ATP6V1B1: variants seen among roughly 807,000 people sequenced by gnomAD.
ATP6V1B1 encodes the protein ATPase H+ transporting V1 subunit B1, also known as V-type proton ATPase subunit B, kidney isoform.
ATP6V1B1 carries 41 observed loss-of-function variants against 62.1 expected under a neutral mutation model. The observed-to-expected ratio is 0.66, with a 90% confidence interval of 0.51 to 0.86. ATP6V1B1 has a LOEUF of 0.86. ATP6V1B1 is among the 40% of genes least tolerant of loss of function. The probability of loss-of-function intolerance (pLI) is 0.00; values close to 1 mark genes in which losing one functional copy is unlikely to be tolerated. For missense variants in ATP6V1B1, 651 were observed against 697.5 expected, an observed-to-expected ratio of 0.93 and a Z score of 0.75; for synonymous variants, 253 against 273.4, an observed-to-expected ratio of 0.93 and a Z score of 0.74.
chr2:70,942,640 T>C (rs1290881612), intron 1 of ATP6V1B1, among the ~76,000 whole-genome samples: 1 of 152,202 alleles, frequency 6.6e-6, no homozygotes, highest in Non-Finnish European at 1.5e-5. Flanking sequence ...GCTACAGATG[T>C]GCTGTGTGGC....
At chr2:70,951,650 G>A (rs1680324604) in intron 2 of ATP6V1B1, among the ~76,000 whole-genome samples, 1 of 152,148 alleles carries the variant, frequency 6.6e-6, no homozygotes, top group African/African-American at 2.4e-5. Flanking sequence ...GCTCATGCCT[G>A]TAATCCCAGC....
chr2:70,943,838 C>A, intron 2 of ATP6V1B1, 125 bp downstream of exon 2: 1 of 1,371,020 alleles, frequency 7.3e-7, no homozygotes, highest in Non-Finnish European at 1.0e-6. Flanking sequence ...TCTGTTCTCT[C>A]CATCCAGGCA....
At chr2:70,950,151 C>G (rs1393591687) in intron 2 of ATP6V1B1, among the ~76,000 whole-genome samples, 1 of 152,050 alleles carries the variant, frequency 6.6e-6, no homozygotes, top group Non-Finnish European at 1.5e-5. Flanking sequence ...CCTATAAAAT[C>G]TGGGATCTCC....
chr2:70,964,112 GTATTTTTT>G lies in ATP6V1B1; in HGVS notation c.1144-324_1144-317del, dbSNP rs1317289678. The G allele has an allele frequency of 6.2e-3, 980 of 158,228 alleles. 12 individuals are homozygous for G. Among genetic ancestry groups the G allele is most frequent in the African/African-American group, 0.028 (518 of 18,482 alleles). The allele number at this position is 158,228 out of a possible 1,614,324, so 9.8% of individuals were successfully genotyped here. A position where few individuals can be genotyped will look rare whatever the true frequency, so the allele number is the denominator to read the frequency against. ...TGACGTTTTTCTCTTTGCTTGGCAG[GTATTTTTT>G]TTTTTTTTTTTTTTTTGCAGCTATT... On this transcript the variant is annotated intron_variant, in intron 11 of 13. Transcript: ENST00000234396.
At chr2:70,936,245 G>A (rs1371424845) in intron 1 of ATP6V1B1, among the ~76,000 whole-genome samples, 173 bp downstream of exon 1, 1 of 152,142 alleles carries the variant, frequency 6.6e-6, no homozygotes, top group East Asian at 1.9e-4. Context: ...TGGACCAGAG[G>A]CCACCTCTGC....
chr2:70,943,167 T>C (rs1266854867), intron 1 of ATP6V1B1, among the ~76,000 whole-genome samples: 1 of 143,292 alleles, frequency 7.0e-6, no homozygotes, highest in East Asian at 2.1e-4. Context: ...CACTGACGTC[T>C]GCACCCCCTA....
At chr2:70,957,289 G>A (rs998425290) in intron 2 of ATP6V1B1, among the ~76,000 whole-genome samples, 14 of 150,620 alleles carry the variant, frequency 9.3e-5, no homozygotes, top group African/African-American at 1.7e-4. Flanking sequence ...CAGTAGAAAC[G>A]GGGTTTCACC....
At chr2:70,952,200 G>A (rs561113967) in intron 2 of ATP6V1B1, among the ~76,000 whole-genome samples, 1 of 152,148 alleles carries the variant, frequency 6.6e-6, no homozygotes, top group Admixed American at 6.5e-5. Flanking sequence ...AGTAGCTCAC[G>A]CCTGTAATCC....
chr2:70,963,301 T>A lies in ATP6V1B1; in HGVS notation c.1049T>A (p.Met350Lys), dbSNP rs1553420446. The A allele has an allele frequency of 6.2e-7, 1 of 1,613,254 alleles. No homozygotes were observed. ...GSITQIPILT[M>K]PNDDITHPIP... is the part of the protein sequence containing the mutation. Reference sequence around the variant, plus strand: ...ATCACACAGATCCCCATCCTCACCATGCCCAACGACGGTAGCCTCCTCACA... The same window carrying A: ...ATCACACAGATCCCCATCCTCACCAAGCCCAACGACGGTAGCCTCCTCACA... The change falls in exon 10 of 14, where the codon ATG (methionine) becomes AAG (lysine). Residue 350 changes from methionine (M) to lysine (K), a missense_variant. Transcript: ENST00000234396. The surrounding 1 kb of genome is among the most constrained non-coding windows in gnomAD (Gnocchi z 4.3).
Position 70,961,010 on chromosome 2 carries a change from T to C in ATP6V1B1, c.675T>C (p.Phe225=). The change falls in exon 7 of 14, where the codon TTT becomes TTC. Residue 225 remains phenylalanine, a synonymous_variant. Transcript: ENST00000234396. ...DYHDDNFAIV[F]AAMGVNMETA... ...ATGACGACAACTTCGCCATCGTCTT[T>C]GCAGCCATGGGGGTGAGGAGACTTA... 1.3e-6 allele frequency: 2 copies of C among 1,589,066 alleles called. No individual in the cohort carries two copies. Among genetic ancestry groups the C allele is most frequent in the Non-Finnish European group, 1.7e-6 (2 of 1,167,550 alleles).
In ATP6V1B1 at chr2:70,965,210, C is replaced by G. The variant is rs3180578; in HGVS notation, c.*89C>G. ...CCCTCGCCACCCCAACCAGCGGCTT[C>G]TGCGCCGCCCTCCGCCCTCCGCTGG... On this transcript the variant is annotated 3_prime_UTR_variant, in exon 14 of 14. Transcript: ENST00000234396. The G allele has an allele frequency of 6.4e-7, 1 of 1,559,360 alleles. No homozygotes were observed. Among genetic ancestry groups the G allele is most frequent in the East Asian group, 2.3e-5 (1 of 43,680 alleles).
chr2:70,954,424 C>G (rs1223796406), intron 2 of ATP6V1B1, among the ~76,000 whole-genome samples: 1 of 152,156 alleles, frequency 6.6e-6, no homozygotes, highest in Non-Finnish European at 1.5e-5. Context: ...CTTTTATGGT[C>G]AGAGAATATG....
chr2:70,945,729 T>G (rs1188580619), intron 2 of ATP6V1B1, among the ~76,000 whole-genome samples: 1 of 136,382 alleles, frequency 7.3e-6, no homozygotes, highest in African/African-American at 2.8e-5. Context: ...TATATATATA[T>G]ATATATATAT....
At chr2:70,962,692 C>A in intron 8 of ATP6V1B1, 85 bp from the exon 9 acceptor site, 2 of 1,591,170 alleles carry the variant, frequency 1.3e-6, no homozygotes, top group Non-Finnish European at 1.7e-6. Flanking sequence ...ACCAGCTTCC[C>A]AGTTCACCTT....
intron 2 of ATP6V1B1, among the ~76,000 whole-genome samples, chr2:70,953,344 G>A (rs549052448): frequency 2.0e-5 from 3 of 151,998 alleles, no homozygotes; most frequent in Non-Finnish European, 2.9e-5. Flanking sequence ...GAGTACTTTT[G>A]TTCTTTTTTG....
intron 1 of ATP6V1B1, chr2:70,940,564 T>C: frequency 1.0e-6 from 1 of 985,446 alleles, no homozygotes; most frequent in Non-Finnish European, 1.2e-6. Flanking sequence ...GTGCTGTGGC[T>C]GTTTGGAGTT....
chr2:70,941,253 T>C, intron 1 of ATP6V1B1: 1 of 981,550 alleles, frequency 1.0e-6, no homozygotes, highest in Non-Finnish European at 1.2e-6. Flanking sequence ...TTCCCAGCAC[T>C]ATTCCATGAA....
At chr2:70,961,166 C>T (rs534635105) in intron 7 of ATP6V1B1, 144 bp downstream of exon 7, 40 of 835,570 alleles carry the variant, frequency 4.8e-5, no homozygotes, top group African/African-American at 1.0e-4. Flanking sequence ...GCAGTGACCA[C>T]GGCCATGTGT....
At chr2:70,949,394 CT>C (rs1412542182) in intron 2 of ATP6V1B1, among the ~76,000 whole-genome samples, 1 of 152,180 alleles carries the variant, frequency 6.6e-6, no homozygotes, top group Non-Finnish European at 1.5e-5. Flanking sequence ...TATTGTATCC[CT>C]TTTAAACGGA....
Sources: allele counts gnomAD v4.1 joint callset (sites outside exome capture counted in the v4.1 genomes callset), GRCh38; gene constraint gnomAD v4.1.1; non-coding constraint Gnocchi (gnomAD v3.1); transcripts MANE v1.5; gene names NCBI Gene and HGNC (gene_info 2026-07-23, HGNC 2026-07-21).